The following MYO5B variants were observed in gnomAD, a reference collection of about 807,000 sequenced individuals.
MYO5B encodes the protein myosin VB.
Under a neutral mutation model 229.3 loss-of-function variants are expected in MYO5B, and 143 were observed. The observed-to-expected ratio is 0.62, with a 90% CI of 0.54 to 0.72. The LOEUF is 0.72. Ranked by LOEUF, MYO5B falls within the 30% of genes least tolerant of loss-of-function variation. MYO5B has a pLI of 0.00. For missense variants in MYO5B, 2,321 were observed against 2,331.0 expected (o/e 1.00, Z 0.09); for synonymous variants, 918 against 885.2 (o/e 1.04, Z -0.66).
At chr18:49,905,288 A>T (rs1000975578) in intron 19 of MYO5B, among the ~76,000 whole-genome samples, 1 of 152,126 alleles carries the variant, frequency 6.6e-6, no homozygotes, top group African/African-American at 2.4e-5. Context: ...TTGCTGAATG[A>T]CTAAACCTTC....
chr18:50,150,927 CT>C (rs2032588782), intron 1 of MYO5B, among the ~76,000 whole-genome samples: 1 of 152,214 alleles, frequency 6.6e-6, no homozygotes, highest in Non-Finnish European at 1.5e-5. Flanking sequence ...CAATGCTCCC[CT>C]GGCACACCTC....
intron 22 of MYO5B, among the ~76,000 whole-genome samples, chr18:49,883,103 G>A (rs138763756): frequency 7.2e-5 from 11 of 152,332 alleles, no homozygotes; most frequent in South Asian, 2.1e-4. Flanking sequence ...GACTGAATGC[G>A]TTTCCCCTAA....
chr18:49,946,614 G>C (rs914424120), intron 14 of MYO5B, among the ~76,000 whole-genome samples: 3 of 152,160 alleles, frequency 2.0e-5, no homozygotes, highest in Non-Finnish European at 4.4e-5. Flanking sequence ...CTTAAGAACA[G>C]AAAGTAAAAA....
chr18:50,001,319 A>G lies in MYO5B; in HGVS notation c.548T>C (p.Val183Ala), dbSNP rs760065886. 3.1e-5 allele frequency: 50 copies of G among 1,614,032 alleles called. No individual in the cohort carries two copies. The Admixed American group carries it at 8.3e-4, about 27-fold the overall frequency. The part of the protein sequence containing the change: ...AKYAMRYFAT[V>A]GGSASETNIE... ...GTTGGTTTCACTGGCCGAGCCACCA[A>G]CGGTGGCGAAATAGCGCATGGCATA... The change falls in exon 5 of 40, where the codon GTT (valine) becomes GCT (alanine). Residue 183 changes from valine (V) to alanine (A), a missense_variant. Physicochemically the swap from Val to Ala is moderately conservative, Grantham distance 64. Around this residue, in one of 2 missense-constraint regions of MYO5B, gnomAD observed 2,113 missense variants for 2,044.7 expected, o/e 1.03. Coordinates refer to ENST00000285039, the MANE Select transcript of MYO5B (RefSeq NM_001080467.3).
At chr18:49,995,309 C>A (rs1402931338) in intron 5 of MYO5B, among the ~76,000 whole-genome samples, 2 of 146,994 alleles carry the variant, frequency 1.4e-5, no homozygotes, top group African/African-American at 2.5e-5. Flanking sequence ...GGCTAGAGTG[C>A]AATGGTGTGA....
chr18:50,054,976 G>T (rs746653689), intron 2 of MYO5B, among the ~76,000 whole-genome samples: 2 of 152,056 alleles, frequency 1.3e-5, no homozygotes. Flanking sequence ...TCCCAGTGAG[G>T]TCTCAACCTC....
At chr18:49,903,881 G>T (rs571757893) in intron 20 of MYO5B, among the ~76,000 whole-genome samples, 1 of 152,320 alleles carries the variant, frequency 6.6e-6, no homozygotes, top group South Asian at 2.1e-4. Flanking sequence ...GCAGGGAAGA[G>T]GTCGGGGCCT....
intron 17 of MYO5B, among the ~76,000 whole-genome samples, chr18:49,923,990 G>T (rs551783007): frequency 6.6e-6 from 1 of 152,272 alleles, no homozygotes; most frequent in South Asian, 2.1e-4. Flanking sequence ...CAGGATGGTT[G>T]TGAGGACCTG....
chr18:49,865,125 G>T (rs990956936), intron 27 of MYO5B, among the ~76,000 whole-genome samples: 5 of 152,228 alleles, frequency 3.3e-5, no homozygotes, highest in South Asian at 2.1e-4. Context: ...GAAACCCAAA[G>T]ATGTGGATGA....
chr18:50,029,074 C>T (rs2026361815), intron 4 of MYO5B, among the ~76,000 whole-genome samples: 1 of 152,236 alleles, frequency 6.6e-6, no homozygotes, highest in African/African-American at 2.4e-5. Flanking sequence ...GCCATATTCA[C>T]TGCACACTTA....
At chr18:50,041,868 T>C (rs1327245114) in intron 2 of MYO5B, among the ~76,000 whole-genome samples, 1 of 152,132 alleles carries the variant, frequency 6.6e-6, no homozygotes, top group African/African-American at 2.4e-5. Flanking sequence ...CGATTCTTCA[T>C]CATACAATGG....
intron 12 of MYO5B, among the ~76,000 whole-genome samples, chr18:49,958,679 A>C (rs2025523386): frequency 6.6e-6 from 1 of 152,130 alleles, no homozygotes; most frequent in Non-Finnish European, 1.5e-5. Context: ...CCAAGAGTTC[A>C]AACTCGCTGT....
chr18:50,194,366 G>C (rs1372986041), intron 1 of MYO5B, among the ~76,000 whole-genome samples: 1 of 152,144 alleles, frequency 6.6e-6, no homozygotes, highest in Non-Finnish European at 1.5e-5. Context: ...GGGGACAGGG[G>C]ACAGCAGCGG....
At chr18:50,051,113 T>TAGA (rs2144410128) in intron 2 of MYO5B, among the ~76,000 whole-genome samples, 1 of 152,350 alleles carries the variant, frequency 6.6e-6, no homozygotes, top group South Asian at 2.1e-4. Flanking sequence ...AGAAACTGAA[T>TAGA]AGAATTGCAA....
chr18:49,974,164 A>G (rs1014824983), intron 10 of MYO5B, among the ~76,000 whole-genome samples, 186 bp downstream of exon 10: 5 of 152,194 alleles, frequency 3.3e-5, no homozygotes, highest in Admixed American at 6.5e-5. Context: ...ATTATAGACC[A>G]CTAAGCCTCC....
chr18:50,001,074 A>G (rs1186376199), intron 5 of MYO5B, among the ~76,000 whole-genome samples, 181 bp downstream of exon 5: 1 of 152,214 alleles, frequency 6.6e-6, no homozygotes, highest in Middle Eastern at 3.2e-3. Flanking sequence ...CTGGGAACCT[A>G]AAGACACAAC....
chr18:50,166,656 C>T (rs2032856576), intron 1 of MYO5B, among the ~76,000 whole-genome samples: 1 of 152,060 alleles, frequency 6.6e-6, no homozygotes, highest in Admixed American at 6.5e-5. Context: ...TCCTCCTTAG[C>T]CACTCCCCAC....
intron 1 of MYO5B, among the ~76,000 whole-genome samples, chr18:50,123,561 T>G (rs1039350376): frequency 6.6e-6 from 1 of 152,100 alleles, no homozygotes; most frequent in African/African-American, 2.4e-5. Context: ...AACCCATCTC[T>G]GCAAAAAATA....
chr18:49,937,742 G>A (rs991874753), intron 14 of MYO5B, among the ~76,000 whole-genome samples: 11 of 151,642 alleles, frequency 7.3e-5, no homozygotes, highest in African/African-American at 2.4e-4. Context: ...ACAAACGTTC[G>A]TATAGTGTGT....
Sources: gnomAD v4.1 joint callset for allele counts (sites outside exome capture counted in the v4.1 genomes callset) on GRCh38, gnomAD v4.1.1 for gene constraint, gnomAD v4.1.1 regional missense constraint, MANE v1.5 for transcripts, NCBI Gene and HGNC (gene_info 2026-07-23, HGNC 2026-07-21) for gene names.